Variants in KMT2A observed in about 807,000 individuals in gnomAD.
The protein encoded by KMT2A is histone-lysine N-methyltransferase 2A.
Under a neutral mutation model 345.3 loss-of-function variants are expected in KMT2A, and 16 were observed. That is an observed-to-expected ratio of 0.05 (90% CI 0.03 to 0.07). KMT2A has a LOEUF of 0.07. Among genes scored for constraint, KMT2A ranks in the 10% least tolerant of loss-of-function variants. The pLI is 1.00. For missense variants in KMT2A, 3,272 were observed against 4,841.6 expected, an observed-to-expected ratio of 0.68 and a Z score of 9.62; for synonymous variants, 1,599 against 1,778.6, an observed-to-expected ratio of 0.90 and a Z score of 2.54.
intron 7 of KMT2A, 95 bp from the exon 8 acceptor site, chr11:118,482,327 T>G (rs538651796): frequency 6.9e-5 from 67 of 973,340 alleles, no homozygotes; most frequent in South Asian, 1.4e-4. Flanking sequence ...AAATAGTTTT[T>G]TTTTTTTTTT....
chr11:118,513,111 A>G (rs1591296769), intron 31 of KMT2A, among the ~76,000 whole-genome samples: 1 of 152,086 alleles, frequency 6.6e-6, no homozygotes, highest in South Asian at 2.1e-4. Context: ...GCACCGTGGC[A>G]TGCACACCTG....
Position 118,503,231 on chromosome 11 carries a change from A to G in KMT2A, c.7339A>G (p.Lys2447Glu). Residue 2447 changes from lysine (K) to glutamate (E), a missense_variant, in exon 27 of 36, where the codon AAA becomes GAA. Lys to Glu is a moderately conservative substitution (Grantham distance 56). Transcript: ENST00000534358. The surrounding 1 kb of genome is among the most constrained non-coding windows in gnomAD (Gnocchi z 5.3). ...KETFKEKHSS[K>E]SFLEPGQVTT... ...AACTTTCAAAGAAAAGCATTCCAGT[A>G]AATCTTTTTTGGAACCTGGTCAGGT... The G allele has an allele frequency of 6.2e-7, 1 of 1,614,102 alleles. No individual in the cohort carries two copies. Among genetic ancestry groups the G allele is most frequent in the South Asian group, 1.1e-5 (1 of 91,074 alleles).
Position 118,510,676 on chromosome 11 carries a change from A to G in KMT2A, c.11071+558A>G, listed in dbSNP as rs528092574. 2.0e-5 allele frequency among the ~76,000 whole-genome samples: 3 copies of G among 152,186 alleles called. No individual in the cohort carries two copies. Among genetic ancestry groups the G allele is most frequent in the Admixed American group, 1.3e-4 (2 of 15,288 alleles). ...ACTCACTCAACAGCGAGCTCTCCAT[A>G]AGGGCTGGAATTTTATTTTCTTATT... On this transcript the variant is annotated intron_variant, in intron 30 of 35. Transcript: ENST00000534358. This position sits in a 1 kb window ranked among gnomAD's most constrained non-coding sequence, Gnocchi z 4.1.
At position 118,494,284 on chromosome 11, in the gene KMT2A, A is replaced by T; in HGVS notation, c.5179-4A>T. On this transcript the variant is annotated splice_region_variant and splice_polypyrimidine_tract_variant and intron_variant, in intron 16 of 35. Transcript: ENST00000534358. This position sits in a 1 kb window ranked among gnomAD's most constrained non-coding sequence, Gnocchi z 5.8. ...AATAATTAACATTTTGTTTTTGTATACAGTTGGAGTTCAGTGATGATATTG... is the reference window on the plus strand; with the variant it reads ...AATAATTAACATTTTGTTTTTGTATTCAGTTGGAGTTCAGTGATGATATTG... 1 of 1,464,302 alleles carries T rather than the reference A, an allele frequency of 6.8e-7. No homozygotes were observed. Among genetic ancestry groups the T allele is most frequent in the Non-Finnish European group, 9.6e-7 (1 of 1,044,150 alleles). The allele number at this position is 1,464,302 out of a possible 1,614,324, so 90.7% of individuals were successfully genotyped here. A position where few individuals can be genotyped will look rare whatever the true frequency, so the allele number is the denominator to read the frequency against.
chr11:118,473,482 T>C lies in KMT2A; in HGVS notation c.2323T>C (p.Ser775Pro). Residue 775 changes from serine (S) to proline (P), a missense_variant, in exon 3 of 36, where the codon TCT (serine) becomes CCT (proline). By Grantham distance (74) the Ser-to-Pro change is moderately conservative. Transcript: ENST00000534358. This position sits in a 1 kb window ranked among gnomAD's most constrained non-coding sequence, Gnocchi z 5.2. ...SELSPLTPPS[S>P]VSSSLSISVS... The stretch of plus-strand genomic sequence containing the variant: ...GCTCTCACCTCTCACCCCCCCGTCT[T>C]CTGTCTCTTCCTCGTTAAGCATTTC... 1 of 1,614,212 alleles carries C rather than the reference T, an allele frequency of 6.2e-7. No homozygotes were observed. Among genetic ancestry groups the C allele is most frequent in the Non-Finnish European group, 8.5e-7 (1 of 1,180,048 alleles).
chr11:118,436,674 C>T lies in KMT2A; in HGVS notation c.162C>T (p.Pro54=). The part of the protein sequence containing the change: ...PPVGGGGPGA[P]PSPPAVAAAA... ...TCGGCGGTGGCGGCCCCGGGGCGCC[C>T]CCCTCCCCCCCGGCTGTGGCGGCCG... The change falls in exon 1 of 36, where the codon CCC becomes CCT. Residue 54 remains proline, a synonymous_variant. Coordinates refer to ENST00000534358, the MANE Select transcript of KMT2A (RefSeq NM_001197104.2). The surrounding 1 kb of genome is among the most constrained non-coding windows in gnomAD (Gnocchi z 6.9). 8.1e-7 allele frequency: 1 copy of T among 1,236,528 alleles called. No homozygotes were observed. Among genetic ancestry groups the T allele is most frequent in the Non-Finnish European group, 1.0e-6 (1 of 988,274 alleles). The allele number at this position is 1,236,528 out of a possible 1,614,324, so 76.6% of individuals were successfully genotyped here.
At chr11:118,437,371 C>T (rs1949211528) in intron 1 of KMT2A, among the ~76,000 whole-genome samples, 1 of 137,348 alleles carries the variant, frequency 7.3e-6, no homozygotes, top group Non-Finnish European at 1.6e-5. Context: ...GGCAGTTTTC[C>T]TCTCGGGCGT....
rs201447376 is a variant in KMT2A at position 118,505,839 on chromosome 11, C to T, written c.9947C>T (p.Ala3316Val). Residue 3316 changes from alanine (A) to valine (V), a missense_variant, in exon 27 of 36, where the codon GCG (alanine) becomes GTG (valine). Physicochemically the swap from Ala to Val is moderately conservative, Grantham distance 64. This residue lies in a region of KMT2A where 748 missense variants were observed against 922.2 expected (regional missense o/e 0.81). Transcript: ENST00000534358. The surrounding 1 kb of genome is among the most constrained non-coding windows in gnomAD (Gnocchi z 4.6). ...AGTGTGGGAGGAACTGCTGCCACAG[C>T]GGCAGGCACATCAACAATAAGCCAG... ...PQSVGGTAAT[A>V]AGTSTISQDT... The T allele has an allele frequency of 1.9e-4, 307 of 1,614,150 alleles. 2 individuals are homozygous for T. The highest frequency in any genetic ancestry group is 1.4e-3 in the South Asian group (132 of 91,088).
At position 118,490,016 on chromosome 11, in the gene KMT2A, A is replaced by G; in HGVS notation, c.4576-113A>G. ...AATCTTTTTGCCTCATTACTAGGAA[A>G]TCATCTCAGCAGAGAAATTAAATCT... On this transcript the variant is annotated intron_variant, in intron 12 of 35. Transcript: ENST00000534358. The surrounding 1 kb of genome is among the most constrained non-coding windows in gnomAD (Gnocchi z 4.2). The G allele has an allele frequency of 7.0e-7, 1 of 1,435,720 alleles. No individual in the cohort carries two copies. Among genetic ancestry groups the G allele is most frequent in the Non-Finnish European group, 9.6e-7 (1 of 1,042,454 alleles). 88.9% of individuals were successfully genotyped at this position (1,435,720 alleles called of 1,614,324 possible). A position where few individuals can be genotyped will look rare whatever the true frequency, so the allele number is the denominator to read the frequency against.
chr11:118,499,948 A>T (rs1950474229), intron 24 of KMT2A, 35 bp downstream of exon 24: 1 of 1,390,254 alleles, frequency 7.2e-7, no homozygotes, highest in South Asian at 1.2e-5. Context: ...GAGCAGCCCC[A>T]CAACCTGAAC....
chr11:118,501,446 G>A (rs1950498750), intron 25 of KMT2A, among the ~76,000 whole-genome samples: 1 of 151,888 alleles, frequency 6.6e-6, no homozygotes, highest in Non-Finnish European at 1.5e-5. Flanking sequence ...TCCAGCCTGG[G>A]TGACAGAGTG....
chr11:118,436,601 C>T lies in KMT2A; in HGVS notation c.89C>T (p.Ala30Val), dbSNP rs9332745. ...GGGGGGCGCCGGGGCCTAGGGGGCG[C>T]CCCGCGGCAACGCGTCCCGGCCCTG... is the stretch of plus-strand genomic sequence containing the variant. ...GGGGRRGLGG[A>V]PRQRVPALLL... Residue 30 changes from alanine (A) to valine (V), a missense_variant, in exon 1 of 36, where the codon GCC becomes GTC. Ala to Val is a moderately conservative substitution (Grantham distance 64). This residue lies in a region of KMT2A where 412 missense variants were observed against 511.0 expected (regional missense o/e 0.81). Transcript: ENST00000534358. The surrounding 1 kb of genome is among the most constrained non-coding windows in gnomAD (Gnocchi z 6.9). The T allele has an allele frequency of 8.6e-7, 1 of 1,166,958 alleles. No individual in the cohort carries two copies. The allele number at this position is 1,166,958 out of a possible 1,614,324, so 72.3% of individuals were successfully genotyped here.
intron 15 of KMT2A, among the ~76,000 whole-genome samples, chr11:118,492,487 G>A (rs1164387484): frequency 6.6e-6 from 1 of 152,206 alleles, no homozygotes; most frequent in Non-Finnish European, 1.5e-5. Context: ...AGACCATCCT[G>A]GCTAACACGG....
Position 118,484,696 on chromosome 11 carries a change from C to T in KMT2A, c.4219-166C>T, listed in dbSNP as rs1255078695. On this transcript the variant is annotated intron_variant, in intron 9 of 35. Transcript: ENST00000534358. This position sits in a 1 kb window ranked among gnomAD's most constrained non-coding sequence, Gnocchi z 4.1. ...CAACTAGGTGAGCCTTTTAATAGTC[C>T]GTGTCTGAGATTAAAACTTTTTAAA... Among the ~76,000 whole-genome samples the T allele has an allele frequency of 3.3e-5, 5 of 152,092 alleles. No homozygotes were observed. The highest frequency in any genetic ancestry group is 3.2e-3 in the Middle Eastern group (1 of 316).
intron 31 of KMT2A, among the ~76,000 whole-genome samples, chr11:118,515,347 C>A (rs1382665927): frequency 3.9e-5 from 6 of 152,164 alleles, no homozygotes; most frequent in Non-Finnish European, 7.4e-5. Flanking sequence ...CTTTTTTGAT[C>A]ATTCTTCCTG....
chr11:118,487,390 G>A (rs1413885438), intron 10 of KMT2A, among the ~76,000 whole-genome samples: 1 of 152,062 alleles, frequency 6.6e-6, no homozygotes, highest in Non-Finnish European at 1.5e-5. Context: ...CACTCCTAAA[G>A]CATGACCAGT....
chr11:118,506,770 C>T (rs781921088), intron 27 of KMT2A, 124 bp downstream of exon 27: 46 of 1,011,768 alleles, frequency 4.5e-5, no homozygotes, highest in South Asian at 7.4e-5. Context: ...GGGAGTTTTC[C>T]GGGTTTTGAC....
chr11:118,459,879 G>A (rs782057720), intron 1 of KMT2A, among the ~76,000 whole-genome samples: 2 of 151,700 alleles, frequency 1.3e-5, no homozygotes, highest in Non-Finnish European at 2.9e-5. Context: ...TAGAGACAGG[G>A]TTTCACCATG....
chr11:118,450,208 T>G (rs1457309321), intron 1 of KMT2A: 2 of 150,972 alleles, frequency 1.3e-5, no homozygotes, highest in African/African-American at 4.9e-5. Context: ...CTTTCTTGAG[T>G]TTTTGGTTTT....
Sources: gnomAD v4.1 joint callset for allele counts (sites outside exome capture counted in the v4.1 genomes callset) on GRCh38, gnomAD v4.1.1 for gene constraint, gnomAD v4.1.1 regional missense constraint, Gnocchi (gnomAD v3.1) non-coding constraint, MANE v1.5 for transcripts, NCBI Gene and HGNC (gene_info 2026-07-23, HGNC 2026-07-21) for gene names.